Variants in SLC25A33 observed in about 807,000 individuals in gnomAD.
SLC25A33 encodes bone marrow stromal cell mitochondrial carrier protein.
SLC25A33 carries 15 observed loss-of-function variants against 35.5 expected under a neutral mutation model. That is an observed-to-expected ratio of 0.42 (90% CI 0.28 to 0.65). The LOEUF (loss-of-function observed/expected upper bound fraction) is 0.65. Ranked by LOEUF, SLC25A33 falls within the 30% of genes least tolerant of loss-of-function variation. The pLI, the probability that SLC25A33 is intolerant of heterozygous loss-of-function variation, is 0.20. For synonymous variants in SLC25A33, 136 were observed against 148.7 expected (o/e 0.91, Z 0.62); for missense variants, 257 against 398.5 (o/e 0.64, Z 3.02).
intron 2 of SLC25A33, among the ~76,000 whole-genome samples, chr1:9,557,460 A>G (rs1461961385): frequency 6.6e-6 from 1 of 152,148 alleles, no homozygotes; most frequent in Non-Finnish European, 1.5e-5. Flanking sequence ...TTGAAGGGCC[A>G]ATGCAAATGG....
At chr1:9,579,874 A>T (rs973001881) in intron 5 of SLC25A33, 80 bp from the exon 6 acceptor site, 80 of 1,471,086 alleles carry the variant, frequency 5.4e-5, no homozygotes, top group Non-Finnish European at 1.1e-5. Context: ...GAAGACCCGT[A>T]CCTGTTCTCC....
chr1:9,569,700 G>A (rs780512311), intron 3 of SLC25A33, among the ~76,000 whole-genome samples: 22 of 152,132 alleles, frequency 1.4e-4, no homozygotes, highest in Non-Finnish European at 2.6e-4. Flanking sequence ...CCCAACAAGA[G>A]GGAAGACAGC....
chr1:9,570,409 G>A, intron 4 of SLC25A33, 51 bp downstream of exon 4: 3 of 1,465,100 alleles, frequency 2.0e-6, no homozygotes, highest in Non-Finnish European at 2.8e-6. Context: ...CTTTTCTAAA[G>A]CATGCATTGT....
intron 2 of SLC25A33, among the ~76,000 whole-genome samples, chr1:9,566,909 T>C (rs1643516040): frequency 6.6e-6 from 1 of 151,836 alleles, no homozygotes; most frequent in African/African-American, 2.4e-5. Flanking sequence ...GTGCCTGTAA[T>C]CCCAGCTACT....
intron 1 of SLC25A33, among the ~76,000 whole-genome samples, chr1:9,552,310 C>G (rs1557526106): frequency 6.6e-6 from 1 of 152,054 alleles, no homozygotes; most frequent in Admixed American, 6.6e-5. Flanking sequence ...CTGCCTCCTG[C>G]ATTCAAGCTA....
At chr1:9,569,827 G>A (rs1349047828) in intron 3 of SLC25A33, among the ~76,000 whole-genome samples, 1 of 152,008 alleles carries the variant, frequency 6.6e-6, no homozygotes, top group African/African-American at 2.4e-5. Context: ...CTGTTCCTGT[G>A]TGTTCCCGAG....
intron 2 of SLC25A33, among the ~76,000 whole-genome samples, chr1:9,565,581 T>C (rs930913058): frequency 6.7e-6 from 1 of 149,318 alleles, no homozygotes; most frequent in African/African-American, 2.5e-5. Context: ...AAAAAAAGTT[T>C]AAAATTAAAG....
At chr1:9,563,215 C>T (rs552618852) in intron 2 of SLC25A33, among the ~76,000 whole-genome samples, 8 of 152,236 alleles carry the variant, frequency 5.3e-5, no homozygotes, top group African/African-American at 1.4e-4. Flanking sequence ...TGAGCCACCG[C>T]GCCCGGCCGA....
intron 2 of SLC25A33, among the ~76,000 whole-genome samples, chr1:9,560,331 G>A (rs538348449): frequency 2.6e-5 from 4 of 151,742 alleles, no homozygotes; most frequent in South Asian, 2.1e-4. Flanking sequence ...GCTTGTGGCC[G>A]AGGCGGGCGG....
intron 1 of SLC25A33, among the ~76,000 whole-genome samples, chr1:9,550,011 A>ATATTTTTTTTTTTTTTTTTTT (rs754618497): frequency 2.0e-5 from 1 of 48,866 alleles, no homozygotes; most frequent in Non-Finnish European, 3.8e-5. Flanking sequence ...ATATATATAT[A>ATATTTTTTTTTTTTTTTTTTT]TTTTTTTTTT....
chr1:9,570,469 A>C (rs1643573398), intron 4 of SLC25A33, 111 bp downstream of exon 4: 2 of 933,776 alleles, frequency 2.1e-6, no homozygotes, highest in South Asian at 3.2e-5. Context: ...CTTTGCACCT[A>C]AAATTGTTTT....
At chr1:9,560,008 T>C (rs1261835279) in intron 2 of SLC25A33, among the ~76,000 whole-genome samples, 1 of 152,118 alleles carries the variant, frequency 6.6e-6, no homozygotes, top group South Asian at 2.1e-4. Flanking sequence ...TCCCAGCACT[T>C]TGGGAGGCCA....
chr1:9,562,287 G>A (rs1473857288), intron 2 of SLC25A33, among the ~76,000 whole-genome samples: 2 of 150,298 alleles, frequency 1.3e-5, no homozygotes, highest in Admixed American at 1.3e-4. Flanking sequence ...GGCGGAGGCT[G>A]CAGTGAGCCG....
At position 9,578,340 on chromosome 1, in the gene SLC25A33, G is replaced by T. The variant is rs1643692520; in HGVS notation, c.483-1614G>T. Among the ~76,000 whole-genome samples, 1 of 152,200 alleles carries T rather than the reference G, an allele frequency of 6.6e-6. No homozygotes were observed. Among genetic ancestry groups the T allele is most frequent in the Non-Finnish European group, 1.5e-5 (1 of 68,036 alleles). ...GAAGGGAGAGAGGCCAGCTGAGACT[G>T]AAGCCCAAGGGGCCCCAGGTCTGCG... is the stretch of plus-strand genomic sequence containing the variant. On this transcript the variant is annotated intron_variant, in intron 5 of 6. Coordinates refer to ENST00000302692, the MANE Select transcript of SLC25A33 (RefSeq NM_032315.3). This position sits in a 1 kb window ranked among gnomAD's most constrained non-coding sequence, Gnocchi z 4.3.
chr1:9,554,520 C>G (rs182675977), intron 2 of SLC25A33, among the ~76,000 whole-genome samples: 15 of 152,028 alleles, frequency 9.9e-5, no homozygotes, highest in African/African-American at 3.4e-4. Context: ...CCACCATGCC[C>G]GGCTAATTTT....
chr1:9,569,419 C>T (rs77189728), intron 3 of SLC25A33, among the ~76,000 whole-genome samples: 3,203 of 152,166 alleles, frequency 0.021, 42 homozygotes, highest in Non-Finnish European at 0.031. Flanking sequence ...AACCTACTGC[C>T]CATCTGTAGT....
At position 9,539,766 on chromosome 1, in the gene SLC25A33, C is replaced by T; in HGVS notation, c.56+19C>T. The T allele has an allele frequency of 7.4e-7, 1 of 1,359,556 alleles. No homozygotes were observed. The highest frequency in any genetic ancestry group is 3.1e-5 in the Admixed American group (1 of 32,606). 84.2% of individuals were successfully genotyped at this position (1,359,556 alleles called of 1,614,324 possible). On this transcript the variant is annotated intron_variant, in intron 1 of 6. Transcript: ENST00000302692. The stretch of plus-strand genomic sequence containing the variant: ...CCGGCGGGTGAGTTCCCGGGCCCAG[C>T]CGCGCGCGCCCCACCGCCTGCGGTC...
intron 2 of SLC25A33, 35 bp from the exon 3 acceptor site, chr1:9,567,249 G>A: frequency 1.3e-6 from 2 of 1,573,610 alleles, no homozygotes; most frequent in East Asian, 2.2e-5. Flanking sequence ...CCTTGCCTGA[G>A]GGGTTTTAAA....
At chr1:9,557,667 T>C (rs994064513) in intron 2 of SLC25A33, among the ~76,000 whole-genome samples, 1 of 152,138 alleles carries the variant, frequency 6.6e-6, no homozygotes, top group Admixed American at 6.5e-5. Flanking sequence ...TGGGCAAGAG[T>C]GTGTTCAAGA....
Sources: allele counts gnomAD v4.1 joint callset (sites outside exome capture counted in the v4.1 genomes callset), GRCh38; gene constraint gnomAD v4.1.1; non-coding constraint Gnocchi (gnomAD v3.1); transcripts MANE v1.5; gene names NCBI Gene and HGNC (gene_info 2026-07-23, HGNC 2026-07-21).